MALRD1: variants seen among roughly 807,000 people sequenced by gnomAD.
The protein encoded by MALRD1 is MAM and LDL-receptor class A domain-containing protein 1.
A neutral mutation model predicts 242.1 loss-of-function variants in MALRD1; 247 were observed. That is an observed-to-expected ratio of 1.02 (90% CI 0.92 to 1.13). MALRD1 has a LOEUF of 1.13. Ranked by LOEUF, MALRD1 falls within the 50% of genes most tolerant of loss-of-function variation. MALRD1 has a pLI of 0.00. For synonymous variants in MALRD1, 995 were observed against 866.6 expected (o/e 1.15, Z -2.60); for missense variants, 2,989 against 2,533.1 (o/e 1.18, Z -3.86).
At chr10:19,277,127 T>C (rs968306793) in intron 19 of MALRD1, among the ~76,000 whole-genome samples, 5 of 152,174 alleles carry the variant, frequency 3.3e-5, no homozygotes, top group South Asian at 4.1e-4. Context: ...GGTTTCACCA[T>C]GTTGCCCAGG....
At chr10:19,651,782 C>T (rs1424208289) in intron 36 of MALRD1, among the ~76,000 whole-genome samples, 1 of 152,140 alleles carries the variant, frequency 6.6e-6, no homozygotes, top group Non-Finnish European at 1.5e-5. Flanking sequence ...GAGAGTGGGG[C>T]TTGATTCATT....
At chr10:19,690,923 T>G (rs1181167662) in intron 36 of MALRD1, among the ~76,000 whole-genome samples, 1 of 151,998 alleles carries the variant, frequency 6.6e-6, no homozygotes, top group African/African-American at 2.4e-5. Context: ...CACTAAAATT[T>G]ATCAATAGGC....
chr10:19,361,680 C>T (rs746956657), intron 26 of MALRD1, among the ~76,000 whole-genome samples: 2 of 152,054 alleles, frequency 1.3e-5, no homozygotes, highest in Non-Finnish European at 2.9e-5. Flanking sequence ...TATTGGTAGT[C>T]GGTTTCATGG....
chr10:19,623,539 A>G (rs11010731), intron 36 of MALRD1, among the ~76,000 whole-genome samples: 8,644 of 152,218 alleles, frequency 0.057, 714 homozygotes, highest in African/African-American at 0.19. Flanking sequence ...ATGTAATTCA[A>G]TCCCAGTTTG....
intron 32 of MALRD1, among the ~76,000 whole-genome samples, chr10:19,539,842 A>G (rs1468164803): frequency 7.4e-6 from 1 of 134,726 alleles, no homozygotes; most frequent in Non-Finnish European, 1.6e-5. Context: ...ATGCGCCACC[A>G]CACCCAGCTT....
At chr10:19,452,441 C>G (rs566541111) in intron 29 of MALRD1, among the ~76,000 whole-genome samples, 2 of 152,178 alleles carry the variant, frequency 1.3e-5, no homozygotes, top group Admixed American at 1.3e-4. Context: ...ATAGTTCTTT[C>G]TTTTTCATTA....
At chr10:19,645,396 A>G (rs972466776) in intron 36 of MALRD1, among the ~76,000 whole-genome samples, 9 of 152,342 alleles carry the variant, frequency 5.9e-5, no homozygotes, top group Admixed American at 5.2e-4. Context: ...CCAAAGGATT[A>G]TAAATCATGC....
chr10:19,051,922 A>C (rs1185479332), intron 1 of MALRD1: 3 of 22,714 alleles, frequency 1.3e-4, no homozygotes, highest in African/African-American at 3.5e-4. Context: ...ACTCCGTCTC[A>C]AAAAAAAAAA....
Position 19,254,603 on chromosome 10 carries a change from A to G in MALRD1, c.2992-3081A>G, listed in dbSNP as rs540050367. ...TGCATTGGAGTCCCAGTTGCTCCAC[A>G]TAGAATATGTGCTTTTTATAAATTT... is the stretch of plus-strand genomic sequence containing the variant. On this transcript the variant is annotated intron_variant, in intron 18 of 39. Coordinates refer to ENST00000454679, the MANE Select transcript of MALRD1 (RefSeq NM_001142308.3). 2.1e-4 allele frequency among the ~76,000 whole-genome samples: 32 copies of G among 152,134 alleles called. No individual in the cohort carries two copies. The South Asian group carries it at 3.3e-3, about 16-fold the overall frequency.
intron 28 of MALRD1, among the ~76,000 whole-genome samples, chr10:19,399,459 A>G (rs1415940487): frequency 1.3e-5 from 2 of 152,174 alleles, no homozygotes; most frequent in Admixed American, 1.3e-4. Context: ...TTTGCAATAC[A>G]TGCTCCAACC....
In MALRD1 at chr10:19,388,879, CTGA is replaced by C. The variant is rs1317473086; in HGVS notation, c.4688-572_4688-570del. Reference sequence around the variant, plus strand: ...TAAATATTGAAATTCCATAGGTCTACTGAAAAAAAAAAAAAAAAAAGAAAAACT... The same window carrying C: ...TAAATATTGAAATTCCATAGGTCTACAAAAAAAAAAAAAAAAAGAAAAACT... On this transcript the variant is annotated intron_variant, in intron 27 of 39. Transcript: ENST00000454679. Among the ~76,000 whole-genome samples, 12 of 29,116 alleles carry C rather than the reference CTGA, an allele frequency of 4.1e-4. No homozygotes were observed. The Admixed American group carries it at 4.4e-3, about 11-fold the overall frequency. 19.1% of individuals were successfully genotyped at this position (29,116 alleles called of 152,430 possible).
At chr10:19,486,028 A>C (rs936472930) in intron 29 of MALRD1, among the ~76,000 whole-genome samples, 1 of 152,178 alleles carries the variant, frequency 6.6e-6, no homozygotes, top group Non-Finnish European at 1.5e-5. Flanking sequence ...GATTACAAGT[A>C]TTTAACCTAG....
At chr10:19,450,195 T>G in intron 28 of MALRD1, 112 bp from the exon 29 acceptor site, 1 of 932,978 alleles carries the variant, frequency 1.1e-6, no homozygotes, top group Non-Finnish European at 1.6e-6. Flanking sequence ...CTTTGTTTTT[T>G]CAGTTTTTAT....
chr10:19,686,045 G>A (rs1415721389), intron 36 of MALRD1, among the ~76,000 whole-genome samples: 3 of 152,220 alleles, frequency 2.0e-5, no homozygotes, highest in African/African-American at 4.8e-5. Flanking sequence ...ATTCTTATGG[G>A]TCTGCAGCAA....
At chr10:19,205,830 T>C (rs972546050) in intron 17 of MALRD1, among the ~76,000 whole-genome samples, 8 of 151,740 alleles carry the variant, frequency 5.3e-5, no homozygotes, top group African/African-American at 1.9e-4. Context: ...TAGTACATAG[T>C]AGTACAATTT....
rs149274942 is a variant in MALRD1, at chr10:19,249,801, A to G, written c.2992-7883A>G. Among the ~76,000 whole-genome samples the G allele has an allele frequency of 2.4e-3, 359 of 152,146 alleles. 2 individuals carry two copies. The highest frequency in any genetic ancestry group is 8.2e-3 in the African/African-American group (342 of 41,556). ...AATTCACAATAACTAATGGGTGGGT[A>G]TGTGGGACATTGAGCTAGAACAAAA... On this transcript the variant is annotated intron_variant, in intron 18 of 39. Transcript: ENST00000454679.
intron 1 of MALRD1, among the ~76,000 whole-genome samples, chr10:19,056,517 G>T (rs1332466378): frequency 6.6e-6 from 1 of 151,742 alleles, no homozygotes; most frequent in African/African-American, 2.4e-5. Context: ...AAAAACGATT[G>T]ATTTTTGTAT....
intron 18 of MALRD1, among the ~76,000 whole-genome samples, chr10:19,221,419 G>T (rs1837550514): frequency 6.6e-6 from 1 of 152,150 alleles, no homozygotes; most frequent in African/African-American, 2.4e-5. Flanking sequence ...TATGAATCCT[G>T]TGTGAGCAAC....
At chr10:19,653,729 T>A (rs80314291) in intron 36 of MALRD1, among the ~76,000 whole-genome samples, 16,219 of 152,152 alleles carry the variant, frequency 0.11, 2,185 homozygotes, top group African/African-American at 0.31. Flanking sequence ...AGCAGGTAAC[T>A]CAAAGGCAAC....
Sources: gnomAD v4.1 joint callset for allele counts (sites outside exome capture counted in the v4.1 genomes callset) on GRCh38, gnomAD v4.1.1 for gene constraint, MANE v1.5 for transcripts, NCBI Gene and HGNC (gene_info 2026-07-23, HGNC 2026-07-21) for gene names.